Variants in VWA3B observed in about 807,000 individuals in gnomAD.
VWA3B encodes von Willebrand factor A domain-containing protein 3B.
In VWA3B, 138 loss-of-function variants were observed where a neutral mutation model predicts 158.3. The observed-to-expected ratio is 0.87, with a 90% CI of 0.76 to 1.00. The LOEUF is 1.00. Among genes scored for constraint, VWA3B ranks in the 50% least tolerant of loss-of-function variants. The pLI is 0.00. For missense variants in VWA3B, 1,555 were observed against 1,565.1 expected (o/e 0.99, Z 0.11); for synonymous variants, 596 against 587.3 (o/e 1.01, Z -0.21).
intron 6 of VWA3B, among the ~76,000 whole-genome samples, chr2:98,131,908 G>A (rs1675902445): frequency 6.6e-6 from 1 of 152,188 alleles, no homozygotes; most frequent in African/African-American, 2.4e-5. Flanking sequence ...ACAAGACTTT[G>A]GGACTCTAAG....
chr2:98,254,813 T>C (rs527630492), intron 20 of VWA3B, among the ~76,000 whole-genome samples: 21 of 152,250 alleles, frequency 1.4e-4, no homozygotes, highest in African/African-American at 5.1e-4. Flanking sequence ...GTCTACCCTC[T>C]TCAGAGGCCC....
At chr2:98,217,735 A>G in intron 13 of VWA3B, 111 bp from the exon 14 acceptor site, 2 of 1,019,292 alleles carry the variant, frequency 2.0e-6, no homozygotes, top group Non-Finnish European at 2.7e-6. Context: ...TCACCACTGT[A>G]TACAGAATTA....
rs1429951357 is a variant in VWA3B at position 98,128,292 on chromosome 2, G to C, written c.756G>C (p.Glu252Asp). ...VVGDVPEESK[E>D]LLLQRALEIP... ...GGGATGTTCCTGAAGAATCCAAGGAGCTTCTCCTCCAGAGGGCCTTGGAGA... is the reference window on the plus strand; with the variant it reads ...GGGATGTTCCTGAAGAATCCAAGGACCTTCTCCTCCAGAGGGCCTTGGAGA... The change falls in exon 6 of 28, where the codon GAG (glutamate) becomes GAC (aspartate). Residue 252 changes from glutamate (E) to aspartate (D), a missense_variant. Glu to Asp is a conservative substitution (Grantham distance 45). Coordinates refer to ENST00000477737, the MANE Select transcript of VWA3B (RefSeq NM_144992.5). The C allele has an allele frequency of 1.2e-6, 2 of 1,614,182 alleles. No homozygotes were observed.
intron 8 of VWA3B, among the ~76,000 whole-genome samples, chr2:98,170,627 A>T (rs1338821043): frequency 3.4e-5 from 5 of 147,392 alleles, no homozygotes; most frequent in Admixed American, 6.8e-5. Flanking sequence ...TTTTTTTGAG[A>T]TGGAGTATAT....
chr2:98,325,712 G>C, the VWA3B span, among the ~76,000 whole-genome samples: 1 of 152,142 alleles, frequency 6.6e-6, no homozygotes, highest in Non-Finnish European at 1.5e-5. Context: ...GCACAAATAG[G>C]AACACGTGGA....
At chr2:98,283,955 A>G (rs944671791) in intron 22 of VWA3B, among the ~76,000 whole-genome samples, 1 of 152,194 alleles carries the variant, frequency 6.6e-6, no homozygotes, top group African/African-American at 2.4e-5. Flanking sequence ...TGAACCTTGC[A>G]TTAGAAAGAA....
intron 10 of VWA3B, among the ~76,000 whole-genome samples, chr2:98,190,609 C>A (rs1239479202): frequency 6.6e-6 from 1 of 152,028 alleles, no homozygotes; most frequent in Non-Finnish European, 1.5e-5. Context: ...CCTTTATTTT[C>A]GAATGATGTG....
At position 98,228,210 on chromosome 2, in the gene VWA3B, T is replaced by C. The variant is rs1685067576; in HGVS notation, c.2028T>C (p.Asp676=). 6.2e-7 allele frequency: 1 copy of C among 1,612,234 alleles called. No homozygotes were observed. Among genetic ancestry groups the C allele is most frequent in the Non-Finnish European group, 8.5e-7 (1 of 1,179,374 alleles). Residue 676 remains aspartate (D), a synonymous_variant, in exon 15 of 28, where the codon GAT becomes GAC. Coordinates refer to ENST00000477737, the MANE Select transcript of VWA3B (RefSeq NM_144992.5). ...ACTTCTCATTTTGGCAGAATGAAGA[T>C]CTGACTCTTTTAGTTAAGGAAATGG... The part of the protein sequence containing the change: ...PTPPEAVQNE[D]LTLLVKEMEQ...
intron 6 of VWA3B, among the ~76,000 whole-genome samples, chr2:98,131,925 T>C (rs955435152): frequency 2.0e-5 from 3 of 152,254 alleles, no homozygotes; most frequent in African/African-American, 7.2e-5. Context: ...TAAGGACCAT[T>C]GCTGTGGCTG....
At chr2:98,139,729 G>A (rs973843650) in intron 7 of VWA3B, among the ~76,000 whole-genome samples, 2 of 152,062 alleles carry the variant, frequency 1.3e-5, no homozygotes, top group East Asian at 3.9e-4. Flanking sequence ...GATTGTAAAC[G>A]CACCAATCAG....
intron 19 of VWA3B, among the ~76,000 whole-genome samples, chr2:98,239,666 G>A (rs1387581527): frequency 5.3e-5 from 8 of 151,890 alleles, no homozygotes; most frequent in Admixed American, 5.2e-4. Flanking sequence ...TATAATTCCA[G>A]CACTTCAGGA....
At chr2:98,309,254 A>C (rs1180746673) in intron 26 of VWA3B, among the ~76,000 whole-genome samples, 1 of 152,158 alleles carries the variant, frequency 6.6e-6, no homozygotes, top group African/African-American at 2.4e-5. Context: ...TCCAAATGTG[A>C]TATCAGGAAA....
chr2:98,207,447 G>A (rs570553645), intron 12 of VWA3B: 163 of 485,284 alleles, frequency 3.4e-4, no homozygotes, highest in Admixed American at 8.7e-4. Context: ...CCCTCCATAC[G>A]TTATTGTCAT....
chr2:98,280,380 T>C (rs140594244), intron 22 of VWA3B, among the ~76,000 whole-genome samples: 3 of 152,316 alleles, frequency 2.0e-5, no homozygotes, highest in African/African-American at 7.2e-5. Flanking sequence ...ACACACAAGT[T>C]TATTTTCAGC....
intron 6 of VWA3B, among the ~76,000 whole-genome samples, chr2:98,131,523 A>G (rs1265820881): frequency 6.6e-6 from 1 of 152,230 alleles, no homozygotes; most frequent in Admixed American, 6.5e-5. Flanking sequence ...AGAAATCTCC[A>G]TAGTCTTTCC....
intron 26 of VWA3B, among the ~76,000 whole-genome samples, chr2:98,306,574 A>G (rs1020453107): frequency 1.3e-5 from 2 of 152,188 alleles, no homozygotes; most frequent in Non-Finnish European, 2.9e-5. Context: ...TACCCCAACA[A>G]TGGTCCCTGT....
intron 7 of VWA3B, among the ~76,000 whole-genome samples, chr2:98,156,597 C>T (rs1367241994): frequency 6.6e-6 from 1 of 151,348 alleles, no homozygotes; most frequent in Non-Finnish European, 1.5e-5. Context: ...TATTTTTATG[C>T]GCTATAGATC....
rs367730954 is a variant in VWA3B, at chr2:98,186,685, G to A, written c.1312-1290G>A. Among the ~76,000 whole-genome samples the A allele has an allele frequency of 3.5e-4, 53 of 151,954 alleles. No homozygotes were observed. The East Asian group carries it at 5.8e-3, about 17-fold the overall frequency. On this transcript the variant is annotated intron_variant, in intron 9 of 27. Coordinates refer to ENST00000477737, the MANE Select transcript of VWA3B (RefSeq NM_144992.5). ...GAACGTGCCTGTCATTCAGGATCTG[G>A]CCACTTCTTACCATGGTCTTGGCTG...
intron 14 of VWA3B, among the ~76,000 whole-genome samples, chr2:98,227,872 C>A (rs1262495171): frequency 6.6e-6 from 1 of 152,214 alleles, no homozygotes; most frequent in Non-Finnish European, 1.5e-5. Flanking sequence ...TCAAATGGTG[C>A]ATTTTACAGA....
Sources: allele counts gnomAD v4.1 joint callset (sites outside exome capture counted in the v4.1 genomes callset), GRCh38; gene constraint gnomAD v4.1.1; transcripts MANE v1.5; gene names NCBI Gene and HGNC (gene_info 2026-07-23, HGNC 2026-07-21).